SGCZ: variants seen among roughly 807,000 people sequenced by gnomAD.
The protein encoded by SGCZ is sarcoglycan zeta.
In SGCZ, 40 loss-of-function variants were observed where a neutral mutation model predicts 41.3. The observed-to-expected ratio is 0.97, with a 90% CI of 0.75 to 1.26. The LOEUF is 1.26. SGCZ is among the 50% of genes most tolerant of loss of function. The pLI, the probability that SGCZ is intolerant of heterozygous loss-of-function variation, is 0.00. For synonymous variants in SGCZ, 206 were observed against 137.5 expected, an observed-to-expected ratio of 1.50 and a Z score of -3.49; for missense variants, 552 against 369.8, an observed-to-expected ratio of 1.49 and a Z score of -4.04.
At chr8:15,124,958 AC>A (rs1052325478) in intron 1 of SGCZ, among the ~76,000 whole-genome samples, 1 of 152,346 alleles carries the variant, frequency 6.6e-6, no homozygotes, top group Non-Finnish European at 1.5e-5. Flanking sequence ...ATGAAAAAAA[AC>A]AATATGGGTA....
chr8:14,599,928 A>AAAAATAAAAT (rs1805533089), intron 1 of SGCZ, among the ~76,000 whole-genome samples: 1 of 152,224 alleles, frequency 6.6e-6, no homozygotes, highest in South Asian at 2.1e-4. Flanking sequence ...CATAGGAAAT[A>AAAAATAAAAT]AAAATAAAAT....
chr8:15,142,252 T>C (rs1353384186), intron 1 of SGCZ, among the ~76,000 whole-genome samples: 1 of 152,160 alleles, frequency 6.6e-6, no homozygotes, highest in Non-Finnish European at 1.5e-5. Context: ...CCCTAGAGTA[T>C]GTTTAGGCAG....
intron 1 of SGCZ, among the ~76,000 whole-genome samples, chr8:14,757,318 G>A (rs547007854): frequency 6.6e-6 from 1 of 152,296 alleles, no homozygotes; most frequent in East Asian, 1.9e-4. Flanking sequence ...CAAAGCACTG[G>A]GACTGCAGGC....
chr8:14,129,256 G>C (rs977801915), intron 5 of SGCZ, among the ~76,000 whole-genome samples: 1 of 140,888 alleles, frequency 7.1e-6, no homozygotes, highest in Non-Finnish European at 1.5e-5. Flanking sequence ...AGAGAGAAGA[G>C]AATTGCTTGA....
intron 3 of SGCZ, among the ~76,000 whole-genome samples, chr8:14,249,112 A>C (rs1799201061): frequency 6.6e-6 from 1 of 152,158 alleles, no homozygotes; most frequent in South Asian, 2.1e-4. Context: ...GAACATTTGA[A>C]TCAGTAGTCC....
intron 1 of SGCZ, among the ~76,000 whole-genome samples, chr8:14,771,348 G>A (rs566541163): frequency 2.6e-4 from 40 of 152,212 alleles, no homozygotes; most frequent in African/African-American, 9.6e-4. Context: ...AAATCACATA[G>A]GATATTTGAA....
At chr8:14,481,658 T>G (rs1398184898) in intron 2 of SGCZ, among the ~76,000 whole-genome samples, 1 of 152,146 alleles carries the variant, frequency 6.6e-6, no homozygotes, top group African/African-American at 2.4e-5. Flanking sequence ...AAGGGAGTTT[T>G]TTTATTAATA....
intron 1 of SGCZ, among the ~76,000 whole-genome samples, chr8:14,627,380 T>A (rs1362360295): frequency 6.6e-6 from 1 of 152,104 alleles, no homozygotes; most frequent in Non-Finnish European, 1.5e-5. Context: ...AGAATCCAGG[T>A]TGAGAACATC....
intron 1 of SGCZ, among the ~76,000 whole-genome samples, chr8:14,983,283 G>A (rs1315370598): frequency 6.6e-6 from 1 of 151,204 alleles, no homozygotes; most frequent in Admixed American, 6.6e-5. Flanking sequence ...ACTGCAGGTT[G>A]AACTGGTAGG....
chr8:14,801,017 A>G (rs776009968), intron 1 of SGCZ, among the ~76,000 whole-genome samples: 2 of 152,346 alleles, frequency 1.3e-5, no homozygotes, highest in African/African-American at 4.8e-5. Flanking sequence ...GGTTAACTTT[A>G]TAACTATAAT....
intron 1 of SGCZ, among the ~76,000 whole-genome samples, chr8:15,024,279 A>G (rs1469705381): frequency 6.6e-6 from 1 of 152,212 alleles, no homozygotes; most frequent in Admixed American, 6.5e-5. Flanking sequence ...AAATTTATAT[A>G]AAATCGACAC....
In SGCZ at chr8:14,440,751, GTATACACGTATATGTATATATGTA is replaced by G. The variant is rs1563330960; in HGVS notation, c.234+113957_234+113980del. On this transcript the variant is annotated intron_variant, in intron 2 of 7. Transcript: ENST00000382080. ...TATATGTATATATGTATATACATACGTATACACGTATATGTATATATGTATATACATACGTATACACGTATATGT... is the reference window on the plus strand; with the variant it reads ...TATATGTATATATGTATATACATACGTATACATACGTATACACGTATATGT... Among the ~76,000 whole-genome samples the G allele has an allele frequency of 1.1e-4, 13 of 113,644 alleles. No homozygotes were observed. In the East Asian group the frequency reaches 2.2e-3, roughly 19 times the overall value. 74.6% of individuals were successfully genotyped at this position (113,644 alleles called of 152,430 possible).
chr8:15,173,038 CAT>C (rs1799891449), intron 1 of SGCZ, among the ~76,000 whole-genome samples: 1 of 152,186 alleles, frequency 6.6e-6, no homozygotes. Flanking sequence ...AACATTCAAA[CAT>C]ATAAGTCCTC....
intron 2 of SGCZ, among the ~76,000 whole-genome samples, chr8:14,531,995 A>T (rs35384597): frequency 0.22 from 33,611 of 152,104 alleles, 4,673 homozygotes; most frequent in Non-Finnish European, 0.32. Flanking sequence ...AATTTTGTCA[A>T]ACAAATGTAA....
At chr8:14,658,542 C>T (rs1585160514) in intron 1 of SGCZ, among the ~76,000 whole-genome samples, 1 of 152,096 alleles carries the variant, frequency 6.6e-6, no homozygotes, top group Non-Finnish European at 1.5e-5. Flanking sequence ...TATGCTTTTC[C>T]CTACACATCC....
At chr8:14,568,801 C>T (rs17119824) in intron 1 of SGCZ, among the ~76,000 whole-genome samples, 6,954 of 152,188 alleles carry the variant, frequency 0.046, 219 homozygotes, top group South Asian at 0.14. Flanking sequence ...CCATTTACTC[C>T]ATCATTACAT....
At chr8:14,958,476 C>T (rs934424182) in intron 1 of SGCZ, among the ~76,000 whole-genome samples, 11 of 151,718 alleles carry the variant, frequency 7.3e-5, no homozygotes, top group Non-Finnish European at 1.0e-4. Flanking sequence ...AAGATGAACA[C>T]GAAAGGTCAC....
intron 1 of SGCZ, among the ~76,000 whole-genome samples, chr8:15,172,009 G>C (rs950403818): frequency 1.8e-4 from 27 of 151,826 alleles, no homozygotes; most frequent in Non-Finnish European, 3.7e-4. Flanking sequence ...CCAGCAAAGA[G>C]AACTAATAAC....
chr8:14,794,560 A>G (rs1312499638), intron 1 of SGCZ, among the ~76,000 whole-genome samples: 4 of 152,178 alleles, frequency 2.6e-5, no homozygotes, highest in Admixed American at 2.6e-4. Flanking sequence ...AAATAAGAGA[A>G]CCAGCTCAGG....
Sources: gnomAD v4.1 joint callset for allele counts (sites outside exome capture counted in the v4.1 genomes callset) on GRCh38, gnomAD v4.1.1 for gene constraint, MANE v1.5 for transcripts, NCBI Gene and HGNC (gene_info 2026-07-23, HGNC 2026-07-21) for gene names.